Variants in LOC128092252 observed in about 807,000 individuals in gnomAD.
the LOC128092252 span, among the ~76,000 whole-genome samples, chr15:50,672,939 G>C: frequency 8.0e-6 from 1 of 125,234 alleles, no homozygotes; most frequent in Non-Finnish European, 1.7e-5. Flanking sequence ...TATAGAATAA[G>C]TATATAAAGA....
chr15:50,660,630 C>T, the LOC128092252 span, among the ~76,000 whole-genome samples: 1 of 152,116 alleles, frequency 6.6e-6, no homozygotes, highest in African/African-American at 2.4e-5. Context: ...GAATTACAGG[C>T]ATGAGCCACC....
At chr15:50,666,417 G>A in the LOC128092252 span, among the ~76,000 whole-genome samples, 2 of 151,984 alleles carry the variant, frequency 1.3e-5, no homozygotes, top group Non-Finnish European at 2.9e-5. Flanking sequence ...CTCCAGCCTG[G>A]GTGACAGAAT....
chr15:50,679,830 C>T, the LOC128092252 span, among the ~76,000 whole-genome samples: 3 of 152,114 alleles, frequency 2.0e-5, no homozygotes, highest in African/African-American at 7.2e-5. Context: ...CCACCATGCC[C>T]AGTCTTTTCC....
the LOC128092252 span, among the ~76,000 whole-genome samples, chr15:50,666,976 G>A: frequency 5.3e-5 from 8 of 152,014 alleles, no homozygotes; most frequent in African/African-American, 1.9e-4. Flanking sequence ...GTATGGATTC[G>A]CCTCAAATTC....
At chr15:50,663,421 C>T in the LOC128092252 span, among the ~76,000 whole-genome samples, 2 of 152,168 alleles carry the variant, frequency 1.3e-5, no homozygotes, top group East Asian at 1.9e-4. Flanking sequence ...CCACCGTGCC[C>T]GGCCCATAAA....
the LOC128092252 span, among the ~76,000 whole-genome samples, chr15:50,652,129 T>A: frequency 6.6e-6 from 1 of 151,134 alleles, no homozygotes; most frequent in Admixed American, 6.6e-5. Flanking sequence ...GGTCAGGAGT[T>A]CGAGACCAGC....
the LOC128092252 span, among the ~76,000 whole-genome samples, chr15:50,684,297 G>T: frequency 1.1e-4 from 16 of 151,610 alleles, no homozygotes; most frequent in African/African-American, 3.9e-4. Flanking sequence ...GGATTACCAC[G>T]CCCGATTACT....
the LOC128092252 span, among the ~76,000 whole-genome samples, chr15:50,685,675 T>G: frequency 6.6e-6 from 1 of 152,184 alleles, no homozygotes; most frequent in Non-Finnish European, 1.5e-5. Context: ...AATACCTACT[T>G]TGCTCTTCAT....
At chr15:50,664,535 C>T in the LOC128092252 span, among the ~76,000 whole-genome samples, 1 of 152,028 alleles carries the variant, frequency 6.6e-6, no homozygotes, top group Non-Finnish European at 1.5e-5. Context: ...TGCCAGATTG[C>T]TATTATAATC....
chr15:50,658,042 T>C, the LOC128092252 span, among the ~76,000 whole-genome samples: 1 of 151,012 alleles, frequency 6.6e-6, no homozygotes, highest in Non-Finnish European at 1.5e-5. Flanking sequence ...TCTCGCTCTG[T>C]TGCCCAGGCT....
At chr15:50,683,847 T>C in the LOC128092252 span, among the ~76,000 whole-genome samples, 2 of 152,056 alleles carry the variant, frequency 1.3e-5, no homozygotes, top group African/African-American at 2.4e-5. Flanking sequence ...ATGAGTATTG[T>C]CAAAGTATGA....
the LOC128092252 span, among the ~76,000 whole-genome samples, chr15:50,672,898 C>CAAAAAA: frequency 2.1e-3 from 56 of 26,220 alleles, 2 homozygotes; most frequent in African/African-American, 6.9e-3. Flanking sequence ...GACTCTGTCT[C>CAAAAAA]AAAAAAAAAA....
the LOC128092252 span, chr15:50,686,704 G>A: frequency 2.4e-6 from 2 of 841,628 alleles, no homozygotes; most frequent in Non-Finnish European, 3.5e-6. Context: ...AGCAGCAGAA[G>A]CCGAGTCTTT....
chr15:50,659,484 G>A, the LOC128092252 span, among the ~76,000 whole-genome samples: 1 of 152,202 alleles, frequency 6.6e-6, no homozygotes, highest in Non-Finnish European at 1.5e-5. Context: ...ATAAAATTAA[G>A]AGTTCAACTA....
the LOC128092252 span, among the ~76,000 whole-genome samples, chr15:50,678,515 AAAAT>A: frequency 0.017 from 1,436 of 82,614 alleles, 11 homozygotes; most frequent in African/African-American, 0.043. Flanking sequence ...TTAAAAAAAA[AAAAT>A]ATATATATAT....
the LOC128092252 span, among the ~76,000 whole-genome samples, chr15:50,668,799 T>C: frequency 6.6e-6 from 1 of 152,190 alleles, no homozygotes; most frequent in East Asian, 1.9e-4. Flanking sequence ...TGAGCCACCA[T>C]GCCTGGCCTA....
At chr15:50,680,579 AAAAC>A in the LOC128092252 span, among the ~76,000 whole-genome samples, 1 of 152,010 alleles carries the variant, frequency 6.6e-6, no homozygotes, top group Non-Finnish European at 1.5e-5. Flanking sequence ...CAAAAAAAAA[AAAAC>A]AAAAACCAGA....
At chr15:50,677,871 C>T in the LOC128092252 span, among the ~76,000 whole-genome samples, 4 of 150,238 alleles carry the variant, frequency 2.7e-5, no homozygotes, top group Non-Finnish European at 5.9e-5. Flanking sequence ...TTCAAAAGAA[C>T]GGTAATCAAA....
chr15:50,680,547 T>C, the LOC128092252 span, among the ~76,000 whole-genome samples: 1 of 150,246 alleles, frequency 6.7e-6, no homozygotes, highest in Non-Finnish European at 1.5e-5. Context: ...CTAGCCTAAT[T>C]GACAGAGAGA....
Sources: gnomAD v4.1 joint callset for allele counts (sites outside exome capture counted in the v4.1 genomes callset) on GRCh38, gnomAD v4.1.1 for gene constraint, MANE v1.5 for transcripts.